Variants in TBC1D22A observed in about 807,000 individuals in gnomAD.
TBC1D22A encodes putative GTPase activator.
A neutral mutation model predicts 60.2 loss-of-function variants in TBC1D22A; 38 were observed. The observed-to-expected ratio is 0.63, with a 90% CI of 0.49 to 0.83. The LOEUF is 0.83. Ranked by LOEUF, TBC1D22A falls within the 40% of genes least tolerant of loss-of-function variation. The pLI, the probability that TBC1D22A is intolerant of heterozygous loss-of-function variation, is 0.00. For synonymous variants in TBC1D22A, 302 were observed against 281.7 expected, an observed-to-expected ratio of 1.07 and a Z score of -0.72; for missense variants, 628 against 701.0, an observed-to-expected ratio of 0.90 and a Z score of 1.18.
At chr22:47,172,032 A>ACCCAGCACTCCCAGTGT (rs1569482589) in intron 12 of TBC1D22A, among the ~76,000 whole-genome samples, 166 of 85,622 alleles carry the variant, frequency 1.9e-3, no homozygotes, top group Middle Eastern at 6.1e-3. Context: ...ACTCCCAGTG[A>ACCCAGCACTCCCAGTGT]GCCTACCCAG....
rs745379074 is a variant in TBC1D22A, at chr22:47,005,708, A to T, written c.1201+7999A>T. ...TACACACCTACACAGATACACCTAC[A>T]TGCCTATATACACACATCCTCATAT... On this transcript the variant is annotated intron_variant, in intron 10 of 12. Coordinates refer to ENST00000337137, the MANE Select transcript of TBC1D22A (RefSeq NM_014346.5). 2.0e-5 allele frequency among the ~76,000 whole-genome samples: 3 copies of T among 151,086 alleles called. 1 individual carries two copies. Among genetic ancestry groups the T allele is most frequent in the South Asian group, 4.2e-4 (2 of 4,770 alleles).
At chr22:46,899,146 G>A (rs1224578717) in intron 7 of TBC1D22A, among the ~76,000 whole-genome samples, 3 of 152,072 alleles carry the variant, frequency 2.0e-5, no homozygotes, top group Admixed American at 6.5e-5. Flanking sequence ...CTTTAGGAAA[G>A]TATTGAAATG....
At position 46,788,314 on chromosome 22, in the gene TBC1D22A, T is replaced by C. The variant is rs906229025; in HGVS notation, c.63-4206T>C. The stretch of plus-strand genomic sequence containing the variant: ...GGGAAGAGTAATGATATCTGCCTTA[T>C]TGGGTTGCAAAGATTAAAGGACTTA... On this transcript the variant is annotated intron_variant, in intron 1 of 12. Transcript: ENST00000337137. 2.0e-5 allele frequency among the ~76,000 whole-genome samples: 3 copies of C among 152,194 alleles called. No homozygotes were observed. The East Asian group carries it at 5.8e-4, about 29-fold the overall frequency.
At chr22:46,937,449 G>C (rs896355348) in intron 8 of TBC1D22A, among the ~76,000 whole-genome samples, 2 of 152,188 alleles carry the variant, frequency 1.3e-5, no homozygotes, top group African/African-American at 4.8e-5. Context: ...GCTGATGCTG[G>C]TGTCAACAAA....
intron 9 of TBC1D22A, among the ~76,000 whole-genome samples, chr22:46,989,867 A>G (rs145397743): frequency 0.013 from 1,932 of 152,072 alleles, 41 homozygotes; most frequent in African/African-American, 0.043. Context: ...CAGTGATGCG[A>G]TCTCAGCTCA....
chr22:47,105,751 T>C (rs1204952294), intron 11 of TBC1D22A, among the ~76,000 whole-genome samples: 1 of 151,940 alleles, frequency 6.6e-6, no homozygotes, highest in African/African-American at 2.4e-5. Flanking sequence ...AATATAGGTT[T>C]CCCACCCCCC....
At chr22:47,078,900 C>T (rs1026467623) in intron 11 of TBC1D22A, among the ~76,000 whole-genome samples, 4 of 152,134 alleles carry the variant, frequency 2.6e-5, no homozygotes, top group South Asian at 2.1e-4. Flanking sequence ...GGTGGAAAGG[C>T]TCACAGAAGG....
intron 4 of TBC1D22A, among the ~76,000 whole-genome samples, chr22:46,803,430 GAGATCTC>G (rs2084986052): frequency 6.6e-6 from 1 of 152,024 alleles, no homozygotes; most frequent in African/African-American, 2.4e-5. Flanking sequence ...GGCCTTGTTG[GAGATCTC>G]GCTTCTGCTG....
chr22:46,852,799 G>A (rs769731646), intron 4 of TBC1D22A, among the ~76,000 whole-genome samples: 4 of 152,144 alleles, frequency 2.6e-5, no homozygotes, highest in Non-Finnish European at 5.9e-5. Flanking sequence ...TGGCTGCATC[G>A]CGAGCTCCTC....
chr22:47,095,035 G>C (rs1181073183), intron 11 of TBC1D22A, among the ~76,000 whole-genome samples: 3 of 152,256 alleles, frequency 2.0e-5, no homozygotes, highest in African/African-American at 2.4e-5. Context: ...TTTAGGATTT[G>C]GCTGTGCCAT....
chr22:47,005,116 C>T (rs563674458), intron 10 of TBC1D22A, among the ~76,000 whole-genome samples: 49 of 151,910 alleles, frequency 3.2e-4, no homozygotes, highest in African/African-American at 8.7e-4. Flanking sequence ...TGTATTCACA[C>T]ACTCTTACAC....
intron 12 of TBC1D22A, among the ~76,000 whole-genome samples, chr22:47,164,283 C>T (rs2068110239): frequency 6.6e-6 from 1 of 152,244 alleles, no homozygotes; most frequent in African/African-American, 2.4e-5. Context: ...CCTCGGTCAC[C>T]AGCTTGAAGT....
chr22:46,769,664 C>T (rs1401689222), intron 1 of TBC1D22A, among the ~76,000 whole-genome samples: 1 of 152,070 alleles, frequency 6.6e-6, no homozygotes, highest in East Asian at 1.9e-4. Flanking sequence ...GGTGAGCAGG[C>T]ACTGGAGCTG....
intron 4 of TBC1D22A, among the ~76,000 whole-genome samples, chr22:46,821,781 C>T (rs193145683): frequency 2.6e-5 from 4 of 152,120 alleles, no homozygotes; most frequent in Admixed American, 6.5e-5. Context: ...CATGTTGGCC[C>T]GTCTTGCTAG....
intron 7 of TBC1D22A, 112 bp downstream of exon 7, chr22:46,894,958 G>A (rs2068596958): frequency 1.7e-6 from 2 of 1,164,160 alleles, no homozygotes; most frequent in Non-Finnish European, 2.6e-6. Flanking sequence ...CAAGGTTGCT[G>A]TGGTGAGCTG....
chr22:47,171,685 G>A (rs1199154386), intron 12 of TBC1D22A, among the ~76,000 whole-genome samples: 1 of 152,178 alleles, frequency 6.6e-6, no homozygotes, highest in Non-Finnish European at 1.5e-5. Flanking sequence ...GCCCTTGGTG[G>A]GCTGCCAGCA....
intron 8 of TBC1D22A, among the ~76,000 whole-genome samples, chr22:46,923,123 CAT>C (rs2070850946): frequency 1.3e-5 from 2 of 152,270 alleles, no homozygotes; most frequent in African/African-American, 4.8e-5. Context: ...AATGTAAAAA[CAT>C]AGCTTTAGAA....
intron 5 of TBC1D22A, among the ~76,000 whole-genome samples, chr22:46,887,170 G>C (rs1044749477): frequency 6.6e-6 from 1 of 152,140 alleles, no homozygotes; most frequent in East Asian, 1.9e-4. Flanking sequence ...TCATGGGAAG[G>C]GACTCAAACA....
intron 4 of TBC1D22A, among the ~76,000 whole-genome samples, chr22:46,801,781 C>T (rs909123163): frequency 2.0e-5 from 3 of 152,234 alleles, no homozygotes; most frequent in African/African-American, 7.2e-5. Flanking sequence ...TGGGGCCAGG[C>T]CACGGCTGTG....
Sources: gnomAD v4.1 joint callset for allele counts (sites outside exome capture counted in the v4.1 genomes callset) on GRCh38, gnomAD v4.1.1 for gene constraint, MANE v1.5 for transcripts, NCBI Gene and HGNC (gene_info 2026-07-23, HGNC 2026-07-21) for gene names.